Variants in HS6ST3 observed in about 807,000 individuals in gnomAD.
The protein encoded by HS6ST3 is heparan sulfate 6-O-sulfotransferase 3.
In HS6ST3, 12 loss-of-function variants were observed where a neutral mutation model predicts 36.7. The observed-to-expected ratio is 0.33, with a 90% confidence interval of 0.21 to 0.53. The LOEUF is 0.53. Among genes scored for constraint, HS6ST3 ranks in the 20% least tolerant of loss-of-function variants. The pLI, the probability that HS6ST3 is intolerant of heterozygous loss-of-function variation, is 0.95. For missense variants in HS6ST3, 584 were observed against 640.9 expected (o/e 0.91, Z 0.96); for synonymous variants, 240 against 257.5 (o/e 0.93, Z 0.65).
intron 1 of HS6ST3, among the ~76,000 whole-genome samples, chr13:96,768,022 C>G (rs924650792): frequency 6.6e-6 from 1 of 152,192 alleles, no homozygotes; most frequent in African/African-American, 2.4e-5. Context: ...GGGTCAGGAA[C>G]TGGAAAGAAA....
At chr13:96,724,685 C>T (rs868414194) in intron 1 of HS6ST3, among the ~76,000 whole-genome samples, 2 of 152,014 alleles carry the variant, frequency 1.3e-5, no homozygotes. Flanking sequence ...TGAGATTCAT[C>T]TATATTTTGT....
chr13:96,205,201 C>T (rs1331716023), intron 1 of HS6ST3, among the ~76,000 whole-genome samples: 1 of 152,150 alleles, frequency 6.6e-6, no homozygotes, highest in Non-Finnish European at 1.5e-5. Flanking sequence ...ATAAACACCT[C>T]TACACACATA....
chr13:96,462,970 T>C (rs2055792524), intron 1 of HS6ST3, among the ~76,000 whole-genome samples: 1 of 152,182 alleles, frequency 6.6e-6, no homozygotes, highest in African/African-American at 2.4e-5. Flanking sequence ...GGAACAATTA[T>C]AGATTATAAA....
At chr13:96,749,080 G>A (rs1442898775) in intron 1 of HS6ST3, among the ~76,000 whole-genome samples, 1 of 152,050 alleles carries the variant, frequency 6.6e-6, no homozygotes, top group Non-Finnish European at 1.5e-5. Flanking sequence ...ATTAACCGTT[G>A]ATTCCACAGT....
At chr13:96,526,346 A>G (rs2056114482) in intron 1 of HS6ST3, among the ~76,000 whole-genome samples, 1 of 152,142 alleles carries the variant, frequency 6.6e-6, no homozygotes, top group African/African-American at 2.4e-5. Flanking sequence ...TACATTTTAG[A>G]AAGGTCACTC....
At chr13:96,577,064 C>T (rs189180203) in intron 1 of HS6ST3, among the ~76,000 whole-genome samples, 1 of 149,952 alleles carries the variant, frequency 6.7e-6, no homozygotes, top group African/African-American at 2.5e-5. Flanking sequence ...ATGTGCAGAA[C>T]ATGCAGGTTT....
rs1330871835 is a variant in HS6ST3, at chr13:96,837,782, C to T, written c.*4584C>T. ...CTCAAAACCTATTCAATATGAAGGC[C>T]GAGGGAATGTGCTCACAACTCCCTA... On this transcript the variant is annotated 3_prime_UTR_variant, in exon 2 of 2. Coordinates refer to ENST00000376705, the MANE Select transcript of HS6ST3 (RefSeq NM_153456.4). 2 of 151,048 alleles carry T rather than the reference C, an allele frequency of 1.3e-5. No homozygotes were observed. Among genetic ancestry groups the T allele is most frequent in the African/African-American group, 2.4e-5 (1 of 40,928 alleles). 9.4% of individuals were successfully genotyped at this position (151,048 alleles called of 1,614,324 possible). A position where few individuals can be genotyped will look rare whatever the true frequency, so the allele number is the denominator to read the frequency against.
chr13:96,753,156 A>G (rs1876740558), intron 1 of HS6ST3, among the ~76,000 whole-genome samples: 3 of 152,220 alleles, frequency 2.0e-5, no homozygotes, highest in South Asian at 4.1e-4. Context: ...GTGGCATTAA[A>G]TTGTTATTAT....
intron 1 of HS6ST3, among the ~76,000 whole-genome samples, chr13:96,476,315 A>C (rs2138894379): frequency 6.6e-6 from 1 of 152,248 alleles, no homozygotes; most frequent in Non-Finnish European, 1.5e-5. Context: ...GGGGACAGAG[A>C]GCCAGAGAAC....
chr13:96,486,264 T>C (rs1304605028), intron 1 of HS6ST3, among the ~76,000 whole-genome samples: 2 of 152,190 alleles, frequency 1.3e-5, no homozygotes, highest in African/African-American at 2.4e-5. Flanking sequence ...CAGTCTATCA[T>C]TGTTGGACAT....
At chr13:96,310,562 G>A (rs1247187776) in intron 1 of HS6ST3, among the ~76,000 whole-genome samples, 1 of 152,094 alleles carries the variant, frequency 6.6e-6, no homozygotes, top group Non-Finnish European at 1.5e-5. Context: ...CGAGGAAGGA[G>A]ATTTGAGATA....
rs1211171924 is a variant in HS6ST3, at chr13:96,091,091, G to C, written c.229G>C (p.Gly77Arg). ...GCCCCAGTTGCCCCCGCCGCCCCGG[G>C]GGCCCCCCGAGGGACCTCGGGGGGC... is the stretch of plus-strand genomic sequence containing the variant. ...RRPQLPPPPR[G>R]PPEGPRGAAA... The change falls in exon 1 of 2, where the codon GGG becomes CGG. Residue 77 changes from glycine to arginine, a missense_variant. By Grantham distance (125) the Gly-to-Arg change is moderately radical. This residue lies in a region of HS6ST3 where 217 missense variants were observed against 205.4 expected (regional missense o/e 1.06). Coordinates refer to ENST00000376705, the MANE Select transcript of HS6ST3 (RefSeq NM_153456.4). The C allele has an allele frequency of 3.3e-5, 43 of 1,302,264 alleles. No individual in the cohort carries two copies. The East Asian group carries it at 8.1e-4, about 25-fold the overall frequency. 80.7% of individuals were successfully genotyped at this position (1,302,264 alleles called of 1,614,324 possible). A position where few individuals can be genotyped will look rare whatever the true frequency, so the allele number is the denominator to read the frequency against.
At chr13:96,258,544 G>C (rs1345368391) in intron 1 of HS6ST3, among the ~76,000 whole-genome samples, 1 of 152,134 alleles carries the variant, frequency 6.6e-6, no homozygotes, top group Non-Finnish European at 1.5e-5. Flanking sequence ...GGGATTGGCA[G>C]CCCCTCATAC....
At chr13:96,464,138 C>A (rs566120895) in intron 1 of HS6ST3, among the ~76,000 whole-genome samples, 97 of 38,746 alleles carry the variant, frequency 2.5e-3, no homozygotes, top group African/African-American at 5.3e-3. Flanking sequence ...TGTCAGGCCT[C>A]AAAAAAAAAA....
At chr13:96,752,116 T>C (rs1254523316) in intron 1 of HS6ST3, among the ~76,000 whole-genome samples, 1 of 152,170 alleles carries the variant, frequency 6.6e-6, no homozygotes, top group Non-Finnish European at 1.5e-5. Flanking sequence ...TTTCCTGAAG[T>C]ACTATACTGC....
chr13:96,213,917 A>G (rs904173873), intron 1 of HS6ST3, among the ~76,000 whole-genome samples: 3 of 152,056 alleles, frequency 2.0e-5, no homozygotes, highest in African/African-American at 7.2e-5. Context: ...CTCTGTTTTT[A>G]TTGTGAAATA....
intron 1 of HS6ST3, among the ~76,000 whole-genome samples, chr13:96,554,011 T>C (rs543768173): frequency 2.0e-5 from 3 of 152,268 alleles, no homozygotes; most frequent in South Asian, 2.1e-4. Flanking sequence ...TGCGCGTGCA[T>C]GTGCGAGGTA....
chr13:96,430,989 G>A (rs183179782), intron 1 of HS6ST3, among the ~76,000 whole-genome samples: 5 of 152,114 alleles, frequency 3.3e-5, no homozygotes, highest in Admixed American at 2.0e-4. Flanking sequence ...TGCGGGATTC[G>A]CTTGAGGACA....
At chr13:96,497,836 A>G (rs553707453) in intron 1 of HS6ST3, among the ~76,000 whole-genome samples, 4 of 152,324 alleles carry the variant, frequency 2.6e-5, no homozygotes, top group East Asian at 1.9e-4. Flanking sequence ...TGCCTAGAAT[A>G]TACCATGCTG....
Sources: allele counts gnomAD v4.1 joint callset (sites outside exome capture counted in the v4.1 genomes callset), GRCh38; gene constraint gnomAD v4.1.1; regional missense constraint gnomAD v4.1.1; transcripts MANE v1.5; gene names NCBI Gene and HGNC (gene_info 2026-07-23, HGNC 2026-07-21).